GALK1: variants seen among roughly 807,000 people sequenced by gnomAD.
GALK1 encodes the protein galactokinase.
GALK1 carries 30 observed loss-of-function variants against 38.6 expected under a neutral mutation model. The observed-to-expected ratio is 0.78, with a 90% CI of 0.58 to 1.05. GALK1 has a LOEUF of 1.05. Among genes scored for constraint, GALK1 ranks in the 50% least tolerant of loss-of-function variants. The probability of loss-of-function intolerance (pLI) is 0.00; values close to 1 mark genes in which losing one functional copy is unlikely to be tolerated. For missense variants in GALK1, 512 were observed against 540.5 expected, an observed-to-expected ratio of 0.95 and a Z score of 0.52; for synonymous variants, 240 against 233.6, an observed-to-expected ratio of 1.03 and a Z score of -0.25.
intron 8 of GALK1, chr17:75,752,460 G>A: frequency 5.6e-6 from 9 of 1,613,536 alleles, no homozygotes; most frequent in Non-Finnish European, 7.6e-6. Flanking sequence ...CATCATCCCT[G>A]ACATCCCTAT....
Position 75,764,974 on chromosome 17 carries a change from T to C in GALK1, c.163A>G (p.Met55Val), listed in dbSNP as rs925336919. The stretch of plus-strand genomic sequence containing the variant: ...GGGCTCCCCGTGCAGCCCCTCACCA[T>C]AGGCAGCACCAGGCCCTGGTTGTAG... ...TDYNQGLVLP[M>V]ALELMTVLVG... is the part of the protein sequence containing the mutation. Residue 55 changes from methionine (M) to valine (V), a missense_variant and splice_region_variant, in exon 1 of 8, where the codon ATG becomes GTG. Coordinates refer to ENST00000588479, the MANE Select transcript of GALK1 (RefSeq NM_000154.2). 2 of 1,607,880 alleles carry C rather than the reference T, an allele frequency of 1.2e-6. No homozygotes were observed. The highest frequency in any genetic ancestry group is 4.5e-5 in the East Asian group (2 of 44,608).
intron 5 of GALK1, among the ~76,000 whole-genome samples, chr17:75,759,437 G>A (rs72860359): frequency 0.31 from 22,466 of 72,658 alleles, 2,082 homozygotes; most frequent in East Asian, 0.57. Context: ...CAAAAAAAAA[G>A]AAAGAAAGAA....
chr17:75,758,338 G>A lies in GALK1; in HGVS notation c.979C>T (p.Gln327Ter). The A allele has an allele frequency of 6.3e-7, 1 of 1,595,104 alleles. No homozygotes were observed. The highest frequency in any genetic ancestry group is 2.3e-5 in the East Asian group (1 of 44,122). ...DYEVSCPELD[Q>*]LVEAALAVPG... Reference sequence around the variant, plus strand: ...ACAGCAAGCGCAGCCTCCACCAGCTGGTCCAGCTCTGGGCAGCTCACCTCA... The same window carrying A: ...ACAGCAAGCGCAGCCTCCACCAGCTAGTCCAGCTCTGGGCAGCTCACCTCA... The change falls in exon 7 of 8, where the codon CAG becomes TAG. Residue 327 changes from glutamine (Q) to a stop codon, truncating the protein, a stop_gained. Transcript: ENST00000588479. LOFTEE classifies it high-confidence loss of function.
In GALK1 at chr17:75,758,444, C is replaced by A; in HGVS notation, c.944+5G>T. ...GGCAGGAGCGGGGCGCCCAGAGGGC[C>A]TCACCTGAGTGAGCGGTGGCTCTCC... is the stretch of plus-strand genomic sequence containing the variant. On this transcript the variant is annotated splice_donor_5th_base_variant and intron_variant, in intron 6 of 7. Transcript: ENST00000588479. 1 of 1,575,068 alleles carries A rather than the reference C, an allele frequency of 6.3e-7. No homozygotes were observed. The highest frequency in any genetic ancestry group is 1.3e-5 in the African/African-American group (1 of 74,426).
chr17:75,753,721 G>A, downstream of GALK1: 3 of 1,309,240 alleles, frequency 2.3e-6, no homozygotes, highest in Non-Finnish European at 2.9e-6. Context: ...TGCTCGGCCC[G>A]GCGCCCCCCG....
chr17:75,754,087 G>C (rs1452509595), downstream of GALK1: 2 of 464,294 alleles, frequency 4.3e-6, no homozygotes, highest in East Asian at 7.3e-5. Context: ...AGCCAGGCCC[G>C]GGCCTTGGCG....
chr17:75,753,623 T>C (rs1473350284), downstream of GALK1: 6 of 494,610 alleles, frequency 1.2e-5, no homozygotes, highest in Non-Finnish European at 1.9e-5. Context: ...CGTGCGCATC[T>C]ACCCCCGCCC....
intron 5 of GALK1, 58 bp from the exon 6 acceptor site, chr17:75,758,657 G>A: frequency 6.5e-7 from 1 of 1,543,438 alleles, no homozygotes; most frequent in South Asian, 1.2e-5. Flanking sequence ...CCCGACGCCT[G>A]TGAGGACCAG....
chr17:75,755,586 C>T (rs1005959279), downstream of GALK1: 2 of 1,342,956 alleles, frequency 1.5e-6, no homozygotes, highest in African/African-American at 2.9e-5. Context: ...AGTTGTCCAG[C>T]CAGCGGTCAG....
At chr17:75,754,854 CT>C, downstream of GALK1, 1 of 1,613,498 alleles carries the variant, frequency 6.2e-7, no homozygotes, top group Non-Finnish European at 8.5e-7. Flanking sequence ...CCCACTAACC[CT>C]TCCTCTCTTC....
At chr17:75,753,735 G>C, downstream of GALK1, 1 of 1,372,544 alleles carries the variant, frequency 7.3e-7, no homozygotes, top group Non-Finnish European at 9.4e-7. Flanking sequence ...CCCCCCGGCG[G>C]TGCCAACGCG....
chr17:75,758,907 TGCTGA>T (rs2061571623), intron 5 of GALK1, among the ~76,000 whole-genome samples: 1 of 152,164 alleles, frequency 6.6e-6, no homozygotes, highest in Non-Finnish European at 1.5e-5. Context: ...GAAGAAGTTC[TGCTGA>T]GCCACATGGA....
chr17:75,752,488 G>T, intron 8 of GALK1: 1 of 1,613,680 alleles, frequency 6.2e-7, no homozygotes, highest in Non-Finnish European at 8.5e-7. Context: ...GCCCAGAGCG[G>T]GGAGGACTAC....
chr17:75,752,228 T>C (rs1293302975), intron 8 of GALK1: 1 of 1,613,766 alleles, frequency 6.2e-7, no homozygotes, highest in Non-Finnish European at 8.5e-7. Context: ...AACCGGATGC[T>C]GCTTATTGAG....
At chr17:75,757,192 C>T (rs955037534), downstream of GALK1, 4 of 1,612,276 alleles carry the variant, frequency 2.5e-6, no homozygotes, top group Non-Finnish European at 3.4e-6. Flanking sequence ...CCTATCTGCC[C>T]ACCCCAGGAC....
At chr17:75,751,980 G>C (rs1243474225) in intron 8 of GALK1, 4 of 716,408 alleles carry the variant, frequency 5.6e-6, no homozygotes, top group Non-Finnish European at 1.0e-5. Flanking sequence ...TGGAGGACTG[G>C]TGACATATGT....
At chr17:75,755,285 G>A (rs556550658), downstream of GALK1, 20 of 1,487,434 alleles carry the variant, frequency 1.3e-5, no homozygotes, top group South Asian at 6.0e-5. Context: ...CATAGCAGCC[G>A]CCAGCTGTGC....
rs1271354865 is a variant in GALK1 at position 75,765,133 on chromosome 17, C to T, written c.4G>A (p.Ala2Thr). 4 of 1,563,906 alleles carry T rather than the reference C, an allele frequency of 2.6e-6. No homozygotes were observed. Among genetic ancestry groups the T allele is most frequent in the Non-Finnish European group, 3.5e-6 (4 of 1,156,850 alleles). Reference protein sequence around the residue: MAALRQPQVAEL... With the variant: MTALRQPQVAEL... ...GCGACCTGGGGCTGTCTCAAAGCAG[C>T]CATGACGCGCGCCTGCAGCTCTGCA... The change falls in exon 1 of 8, where the codon GCT (alanine) becomes ACT (threonine). Residue 2 changes from alanine (A) to threonine (T), a missense_variant. Physicochemically the swap from Ala to Thr is moderately conservative, Grantham distance 58. Coordinates refer to ENST00000588479, the MANE Select transcript of GALK1 (RefSeq NM_000154.2).
chr17:75,757,409 T>C (rs750819126), downstream of GALK1: 8 of 1,613,028 alleles, frequency 5.0e-6, no homozygotes, highest in South Asian at 8.8e-5. Flanking sequence ...TGCCTCCTCC[T>C]CCACAGATGG....
Sources: gnomAD v4.1 joint callset for allele counts (sites outside exome capture counted in the v4.1 genomes callset) on GRCh38, gnomAD v4.1.1 for gene constraint, MANE v1.5 for transcripts, NCBI Gene and HGNC (gene_info 2026-07-23, HGNC 2026-07-21) for gene names.